ZFPM2: variants seen among roughly 807,000 people sequenced by gnomAD.
ZFPM2 encodes zinc finger protein ZFPM2.
In ZFPM2, 20 loss-of-function variants were observed where a neutral mutation model predicts 98.6. That is an observed-to-expected ratio of 0.20 (90% CI 0.14 to 0.29). The LOEUF (loss-of-function observed/expected upper bound fraction) is 0.29. Among genes scored for constraint, ZFPM2 ranks in the 10% least tolerant of loss-of-function variants. ZFPM2 has a pLI of 1.00. For synonymous variants in ZFPM2, 518 were observed against 502.7 expected (o/e 1.03, Z -0.41); for missense variants, 1,310 against 1,388.6 (o/e 0.94, Z 0.90).
intron 6 of ZFPM2, among the ~76,000 whole-genome samples, chr8:105,791,404 G>C (rs1371714259): frequency 2.6e-5 from 4 of 151,718 alleles, no homozygotes; most frequent in Admixed American, 6.6e-5. Flanking sequence ...ACTGATTTGC[G>C]TATATTGAAC....
At chr8:105,350,132 T>C (rs1812613492) in intron 1 of ZFPM2, among the ~76,000 whole-genome samples, 2 of 152,186 alleles carry the variant, frequency 1.3e-5, no homozygotes, top group South Asian at 4.1e-4. Context: ...AAGAAAAATA[T>C]TTTAAATTTG....
At chr8:105,576,432 G>T (rs1000845933) in intron 4 of ZFPM2, among the ~76,000 whole-genome samples, 2 of 152,154 alleles carry the variant, frequency 1.3e-5, no homozygotes, top group Non-Finnish European at 2.9e-5. Flanking sequence ...AAACTTAGCT[G>T]CTTGGAGGTG....
intron 5 of ZFPM2, among the ~76,000 whole-genome samples, chr8:105,736,106 A>AT (rs1387912077): frequency 2.0e-5 from 3 of 151,742 alleles, no homozygotes; most frequent in Non-Finnish European, 2.9e-5. Context: ...AAGCATTGAG[A>AT]TTTTTTTTCT....
chr8:105,752,520 T>C (rs9297369), intron 5 of ZFPM2, among the ~76,000 whole-genome samples: 24,467 of 152,188 alleles, frequency 0.16, 3,216 homozygotes, highest in African/African-American at 0.36. Flanking sequence ...GGCAACAGCA[T>C]GCATATTTTA....
chr8:105,340,114 G>A (rs1812399199), intron 1 of ZFPM2, among the ~76,000 whole-genome samples: 1 of 151,866 alleles, frequency 6.6e-6, no homozygotes, highest in Non-Finnish European at 1.5e-5. Context: ...AATGGAAGGA[G>A]TCGTTGAGAA....
At chr8:105,416,750 A>G (rs1223990079) in intron 1 of ZFPM2, among the ~76,000 whole-genome samples, 1 of 152,068 alleles carries the variant, frequency 6.6e-6, no homozygotes, top group African/African-American at 2.4e-5. Context: ...ATTTTTGATA[A>G]GTCTATAAGA....
intron 5 of ZFPM2, among the ~76,000 whole-genome samples, chr8:105,701,605 ACCATTAATAC>A (rs1811143644): frequency 6.6e-6 from 1 of 152,230 alleles, no homozygotes; most frequent in African/African-American, 2.4e-5. Context: ...CTTCAGACGT[ACCATTAATAC>A]CACATCTAAA....
intron 3 of ZFPM2, among the ~76,000 whole-genome samples, chr8:105,446,244 G>A (rs1421552121): frequency 6.6e-6 from 1 of 152,168 alleles, no homozygotes; most frequent in Non-Finnish European, 1.5e-5. Context: ...ATAGAATTAA[G>A]TATGTATATG....
intron 4 of ZFPM2, among the ~76,000 whole-genome samples, chr8:105,593,011 G>GC (rs1265221974): frequency 6.6e-6 from 1 of 152,166 alleles, no homozygotes; most frequent in Non-Finnish European, 1.5e-5. Flanking sequence ...TCTGATAGCA[G>GC]CTGCTAGCTA....
chr8:105,550,385 G>A (rs906066780), intron 3 of ZFPM2, among the ~76,000 whole-genome samples: 2 of 152,128 alleles, frequency 1.3e-5, no homozygotes, highest in Non-Finnish European at 2.9e-5. Flanking sequence ...TTTGAAACAA[G>A]CAGTGTGATA....
chr8:105,596,354 A>T (rs758330014), intron 4 of ZFPM2, among the ~76,000 whole-genome samples: 25 of 152,056 alleles, frequency 1.6e-4, no homozygotes, highest in Non-Finnish European at 1.5e-4. Context: ...ATTTTCAGAA[A>T]GAAAGAAAAA....
intron 5 of ZFPM2, among the ~76,000 whole-genome samples, chr8:105,660,399 G>T (rs1229345623): frequency 6.6e-6 from 1 of 152,036 alleles, no homozygotes. Flanking sequence ...TTCTCTTTCT[G>T]TACTAAAAAG....
chr8:105,578,414 C>CA (rs34740151), intron 4 of ZFPM2, among the ~76,000 whole-genome samples: 97,215 of 151,704 alleles, frequency 0.64, 31,559 homozygotes, highest in African/African-American at 0.77. Flanking sequence ...TGTTTTACTC[C>CA]AGTTTCTCCA....
intron 2 of ZFPM2, among the ~76,000 whole-genome samples, chr8:105,429,601 A>G (rs1811980387): frequency 6.6e-6 from 1 of 151,438 alleles, no homozygotes; most frequent in South Asian, 2.1e-4. Context: ...TGCATTCTGT[A>G]CTCCTATATT....
At chr8:105,710,250 A>G (rs531613392) in intron 5 of ZFPM2, among the ~76,000 whole-genome samples, 2 of 152,278 alleles carry the variant, frequency 1.3e-5, no homozygotes, top group Non-Finnish European at 2.9e-5. Context: ...CATTTATGCA[A>G]CATGTCTAAT....
intron 5 of ZFPM2, among the ~76,000 whole-genome samples, chr8:105,677,344 A>G (rs778338758): frequency 2.0e-5 from 3 of 152,024 alleles, no homozygotes; most frequent in Non-Finnish European, 2.9e-5. Context: ...GGGGAAATGG[A>G]GGTTCAAAGA....
At chr8:105,411,509 A>G (rs1811576523) in intron 1 of ZFPM2, among the ~76,000 whole-genome samples, 1 of 151,926 alleles carries the variant, frequency 6.6e-6, no homozygotes, top group African/African-American at 2.4e-5. Flanking sequence ...ATGAATAAAT[A>G]CATAAAACTC....
chr8:105,354,032 G>A (rs1416471335), intron 1 of ZFPM2, among the ~76,000 whole-genome samples: 1 of 151,986 alleles, frequency 6.6e-6, no homozygotes, highest in Non-Finnish European at 1.5e-5. Flanking sequence ...CTCTAAGCAA[G>A]CAAATAAAAA....
At chr8:105,337,894 T>C (rs1232265704) in intron 1 of ZFPM2, among the ~76,000 whole-genome samples, 2 of 151,762 alleles carry the variant, frequency 1.3e-5, no homozygotes, top group Non-Finnish European at 2.9e-5. Flanking sequence ...CTCAAAATGA[T>C]AATGGTCATG....
Sources: allele counts gnomAD v4.1 joint callset (sites outside exome capture counted in the v4.1 genomes callset), GRCh38; gene constraint gnomAD v4.1.1; transcripts MANE v1.5; gene names NCBI Gene and HGNC (gene_info 2026-07-23, HGNC 2026-07-21).